Variants in RHBDF1 observed in about 807,000 individuals in gnomAD.
RHBDF1 encodes rhomboid 5 homolog 1.
RHBDF1 carries 80 observed loss-of-function variants against 98.6 expected under a neutral mutation model. The ratio of observed to expected loss-of-function variants is 0.81; its 90% CI spans 0.68 to 0.98. The LOEUF (loss-of-function observed/expected upper bound fraction) is 0.98. Among genes scored for constraint, RHBDF1 ranks in the 50% least tolerant of loss-of-function variants. The probability of loss-of-function intolerance (pLI) is 0.00; values close to 1 mark genes in which losing one functional copy is unlikely to be tolerated. For synonymous variants in RHBDF1, 512 were observed against 486.8 expected (o/e 1.05, Z -0.68); for missense variants, 1,116 against 1,198.3 (o/e 0.93, Z 1.01).
chr16:64,387 CG>C, intron 3 of RHBDF1: 1 of 1,389,110 alleles, frequency 7.2e-7, no homozygotes, highest in South Asian at 1.2e-5. Context: ...GCGGGCAGCC[CG>C]GGGACCCAAG....
chr16:67,904 G>A (rs988314286), intron 1 of RHBDF1, among the ~76,000 whole-genome samples: 1 of 152,166 alleles, frequency 6.6e-6, no homozygotes, highest in African/African-American at 2.4e-5. Flanking sequence ...AGCAGGAACA[G>A]TCAGGGGGTG....
rs1431235285 is a variant in RHBDF1, at chr16:62,793, G to A, written c.777C>T (p.Asp259=). ...TTCTTACCCGGGCAAAGAAGGATGT[G>A]TCCAGCTCATCGGGGAAATCAGTTG... ...EDTTDFPDEL[D]TSFFAREGIL... is the part of the protein sequence containing the mutation. The change falls in exon 6 of 18, where the codon GAC becomes GAT. Residue 259 remains aspartate (D), a synonymous_variant. Coordinates refer to ENST00000262316, the MANE Select transcript of RHBDF1 (RefSeq NM_022450.5). 2.1e-5 allele frequency: 34 copies of A among 1,613,990 alleles called. No individual in the cohort carries two copies. Among genetic ancestry groups the A allele is most frequent in the Admixed American group, 1.0e-4 (6 of 60,008 alleles).
rs193158692 is a variant in RHBDF1, at chr16:72,543, A to T, written c.-55T>A. 4.2e-3 allele frequency: 3,624 copies of T among 860,414 alleles called. 90 individuals carry two copies. The African/African-American group carries it at 0.13, about 32-fold the overall frequency. The allele number at this position is 860,414 out of a possible 1,614,324, so 53.3% of individuals were successfully genotyped here. Reference sequence around the variant, plus strand: ...CCGCCGGGGGCTCTGGGGGGTCCTGAGGGCGCCGGGGAGGAGGCTGCCGCC... The same window carrying T: ...CCGCCGGGGGCTCTGGGGGGTCCTGTGGGCGCCGGGGAGGAGGCTGCCGCC... On this transcript the variant is annotated 5_prime_UTR_variant, in exon 1 of 18. Coordinates refer to ENST00000262316, the MANE Select transcript of RHBDF1 (RefSeq NM_022450.5).
upstream of RHBDF1, among the ~76,000 whole-genome samples, chr16:73,446 C>T (rs996744814): frequency 8.5e-5 from 13 of 152,154 alleles, no homozygotes; most frequent in Admixed American, 3.9e-4. Flanking sequence ...GCGGCCACCC[C>T]GGGGTGGGCT....
Position 61,609 on chromosome 16 carries a change from G to T in RHBDF1, c.1296C>A (p.Phe432Leu). The change falls in exon 9 of 18, where the codon TTC becomes TTA. Residue 432 changes from phenylalanine (F) to leucine (L), a missense_variant. By Grantham distance (22) the Phe-to-Leu change is conservative. Coordinates refer to ENST00000262316, the MANE Select transcript of RHBDF1 (RefSeq NM_022450.5). Reference sequence around the variant, plus strand: ...CCGAGTCCACCGTCTCATGCTGCGAGAAGCCCACGGGCGCGATGCCATAGA... The same window carrying T: ...CCGAGTCCACCGTCTCATGCTGCGATAAGCCCACGGGCGCGATGCCATAGA... The part of the protein sequence containing the change: ...VCIYGIAPVG[F>L]SQHETVDSVL... 1 of 1,613,448 alleles carries T rather than the reference G, an allele frequency of 6.2e-7. No homozygotes were observed. Among genetic ancestry groups the T allele is most frequent in the Non-Finnish European group, 8.5e-7 (1 of 1,179,920 alleles).
intron 3 of RHBDF1, chr16:64,408 G>C: frequency 1.4e-6 from 2 of 1,409,590 alleles, no homozygotes; most frequent in Non-Finnish European, 9.5e-7. Flanking sequence ...GAGGGGCAGA[G>C]TGTGGACACG....
rs764664557 is a variant in RHBDF1, at chr16:63,034, C to T, written c.611G>A (p.Arg204Gln). 3.7e-6 allele frequency: 6 copies of T among 1,612,764 alleles called. No homozygotes were observed. The highest frequency in any genetic ancestry group is 5.1e-6 in the Non-Finnish European group (6 of 1,179,778). The change falls in exon 5 of 18, where the codon CGG (arginine) becomes CAG (glutamine). Residue 204 changes from arginine to glutamine, a missense_variant. Coordinates refer to ENST00000262316, the MANE Select transcript of RHBDF1 (RefSeq NM_022450.5). The part of the protein sequence containing the change: ...SSRSGFHRLP[R>Q]RRKRESVAKM... ...GGCCACCGACTCTCGCTTGCGCCGCCGCGGGAGCCGGTGGAAACCTGAGCG... is the reference window on the plus strand; with the variant it reads ...GGCCACCGACTCTCGCTTGCGCCGCTGCGGGAGCCGGTGGAAACCTGAGCG...
Position 63,049 on chromosome 16 carries a change from A to C in RHBDF1, c.596T>G (p.Phe199Cys). ...CTTGCGCCGCCGCGGGAGCCGGTGG[A>C]AACCTGAGCGGGAGCTGGAGAAGGA... ...LCSFSSSRSG[F>C]HRLPRRRKRE... Residue 199 changes from phenylalanine (F) to cysteine (C), a missense_variant, in exon 5 of 18, where the codon TTC (phenylalanine) becomes TGC (cysteine). Physicochemically the swap from Phe to Cys is radical, Grantham distance 205 (BLOSUM62 -2). Transcript: ENST00000262316. 1 of 1,612,962 alleles carries C rather than the reference A, an allele frequency of 6.2e-7. No homozygotes were observed.
In RHBDF1 at chr16:64,930, G is replaced by T; in HGVS notation, c.86C>A (p.Pro29His). ...GAAGCTGGGCTCTTCTGCCGTCAGG[G>T]GCACCGCAGAGGGAATGTCCAGCTT... The part of the protein sequence containing the change: ...WLKLDIPSAV[P>H]LTAEEPSFLQ... The change falls in exon 2 of 18, where the codon CCC becomes CAC. Residue 29 changes from proline to histidine, a missense_variant. By Grantham distance (77) the Pro-to-His change is moderately conservative. Transcript: ENST00000262316. The T allele has an allele frequency of 2.5e-6, 4 of 1,602,360 alleles. No individual in the cohort carries two copies. Among genetic ancestry groups the T allele is most frequent in the Non-Finnish European group, 3.4e-6 (4 of 1,172,234 alleles).
At chr16:67,941 A>G (rs951968796) in intron 1 of RHBDF1, among the ~76,000 whole-genome samples, 1 of 152,100 alleles carries the variant, frequency 6.6e-6, no homozygotes, top group Non-Finnish European at 1.5e-5. Flanking sequence ...GTGAGCGTGT[A>G]CGGGGAACCT....
At position 60,427 on chromosome 16, in the gene RHBDF1, G is replaced by T; in HGVS notation, c.1658+12C>A. 6.2e-7 allele frequency: 1 copy of T among 1,609,872 alleles called. No homozygotes were observed. ...GACAAAGGCAGGTGAGAGAGCTGCC[G>T]GCAGGACTAACCTGGGATCCTGGTG... On this transcript the variant is annotated intron_variant, in intron 12 of 17. Coordinates refer to ENST00000262316, the MANE Select transcript of RHBDF1 (RefSeq NM_022450.5).
Position 64,803 on chromosome 16 carries a change from C to T in RHBDF1, c.144G>A (p.Arg48=). The change falls in exon 3 of 18, where the codon AGG becomes AGA. Residue 48 remains arginine (R), a synonymous_variant. Coordinates refer to ENST00000262316, the MANE Select transcript of RHBDF1 (RefSeq NM_022450.5). ...CTGTCTCGGCTGGCATACTCACACT[C>T]CTCAGGAAAGCCTGTCGCCTCAGGG... ...LQPLRRQAFL[R]SVSMPAETAH... is the part of the protein sequence containing the mutation. 6.2e-7 allele frequency: 1 copy of T among 1,614,062 alleles called. No individual in the cohort carries two copies. Among genetic ancestry groups the T allele is most frequent in the Non-Finnish European group, 8.5e-7 (1 of 1,180,012 alleles).
chr16:72,765 C>T, upstream of RHBDF1: 1 of 844,240 alleles, frequency 1.2e-6, no homozygotes, highest in South Asian at 7.2e-5. Flanking sequence ...GCCGGGCTCC[C>T]TTCTCCCCAG....
At chr16:75,753 A>G (rs935847412), upstream of RHBDF1, among the ~76,000 whole-genome samples, 16 of 152,148 alleles carry the variant, frequency 1.1e-4, no homozygotes, top group African/African-American at 3.9e-4. Flanking sequence ...CTCATCAGAC[A>G]CAGATGGCCG....
upstream of RHBDF1, among the ~76,000 whole-genome samples, chr16:75,529 G>C (rs903018611): frequency 6.6e-6 from 1 of 152,212 alleles, no homozygotes; most frequent in Non-Finnish European, 1.5e-5. Flanking sequence ...AGGCAGAAGG[G>C]GGCCAGGCCA....
At chr16:75,609 G>A (rs1461096831), upstream of RHBDF1, among the ~76,000 whole-genome samples, 2 of 152,202 alleles carry the variant, frequency 1.3e-5, no homozygotes, top group African/African-American at 2.4e-5. Context: ...GGTTTGGCAA[G>A]GGGTTCCCAT....
intron 1 of RHBDF1, among the ~76,000 whole-genome samples, chr16:68,722 G>A (rs1445333477): frequency 6.6e-6 from 1 of 152,218 alleles, no homozygotes; most frequent in Non-Finnish European, 1.5e-5. Flanking sequence ...GGGAGCCACT[G>A]GCGCCATGCA....
upstream of RHBDF1, chr16:74,013 A>C: frequency 1.2e-5 from 10 of 867,922 alleles, no homozygotes; most frequent in Non-Finnish European, 1.4e-5. Flanking sequence ...TGCTCTCTGA[A>C]CACAAGCAAT....
In RHBDF1 at chr16:72,560, G is replaced by GGC. The variant is rs1179340746; in HGVS notation, c.-73_-72insGC. 344 of 943,560 alleles carry GGC rather than the reference G, an allele frequency of 3.6e-4. 1 individual carries two copies. In the African/African-American group the frequency reaches 7.1e-3, roughly 19 times the overall value. The allele number at this position is 943,560 out of a possible 1,614,324, so 58.4% of individuals were successfully genotyped here. On this transcript the variant is annotated 5_prime_UTR_variant, in exon 1 of 18. Coordinates refer to ENST00000262316, the MANE Select transcript of RHBDF1 (RefSeq NM_022450.5). ...GGGTCCTGAGGGCGCCGGGGAGGAG[G>GGC]CTGCCGCCGCTGGCCGGGAGGGCCC...
Sources: gnomAD v4.1 joint callset for allele counts (sites outside exome capture counted in the v4.1 genomes callset) on GRCh38, gnomAD v4.1.1 for gene constraint, MANE v1.5 for transcripts, NCBI Gene and HGNC (gene_info 2026-07-23, HGNC 2026-07-21) for gene names.